Variants in PSD3 observed in about 807,000 individuals in gnomAD.
PSD3 encodes PH and SEC7 domain-containing protein 3.
In PSD3, 49 loss-of-function variants were observed where a neutral mutation model predicts 105.5. That is an observed-to-expected ratio of 0.46 (90% CI 0.37 to 0.59). The LOEUF (loss-of-function observed/expected upper bound fraction) is 0.59, where lower values mean the gene tolerates loss of function less well. Ranked by LOEUF, PSD3 falls within the 20% of genes least tolerant of loss-of-function variation. PSD3 has a pLI of 0.00. For missense variants in PSD3, 1,561 were observed against 1,263.8 expected (o/e 1.24, Z -3.57); for synonymous variants, 557 against 457.8 (o/e 1.22, Z -2.77).
At chr8:18,883,026 G>C (rs1260454406) in intron 2 of PSD3, among the ~76,000 whole-genome samples, 1 of 152,000 alleles carries the variant, frequency 6.6e-6, no homozygotes, top group Non-Finnish European at 1.5e-5. Flanking sequence ...TACTCAGTGT[G>C]GTCTTGAGAA....
Position 18,691,496 on chromosome 8 carries a change from C to T in PSD3, c.2173-35811G>A, listed in dbSNP as rs1413925929. 3.3e-5 allele frequency among the ~76,000 whole-genome samples: 5 copies of T among 152,170 alleles called. No individual in the cohort carries two copies. In the East Asian group the frequency reaches 9.6e-4, roughly 29 times the overall value. The stretch of plus-strand genomic sequence containing the variant: ...AGATCAGAAAAACTTACCCTATATA[C>T]CTGAGGCATTATAAACTCTTCTTTC... On this transcript the variant is annotated intron_variant, in intron 9 of 15. Coordinates refer to ENST00000327040, the MANE Select transcript of PSD3 (RefSeq NM_015310.4).
intron 15 of PSD3, among the ~76,000 whole-genome samples, chr8:18,549,368 A>T (rs1303995671): frequency 6.6e-6 from 1 of 151,690 alleles, no homozygotes; most frequent in East Asian, 1.9e-4. Flanking sequence ...TTTAACAGAG[A>T]TGGGGTTTCT....
chr8:18,922,538 C>T (rs919096164), intron 2 of PSD3, among the ~76,000 whole-genome samples: 1 of 152,150 alleles, frequency 6.6e-6, no homozygotes, highest in Non-Finnish European at 1.5e-5. Flanking sequence ...ACCGAGCAAG[C>T]AATCAATTCT....
chr8:18,992,649 C>T (rs767279532), intron 1 of PSD3, among the ~76,000 whole-genome samples: 1 of 152,206 alleles, frequency 6.6e-6, no homozygotes, highest in Non-Finnish European at 1.5e-5. Context: ...CTTCAGGCTA[C>T]TTCATTTTGT....
intron 3 of PSD3, among the ~76,000 whole-genome samples, chr8:18,868,764 C>T (rs941500732): frequency 3.3e-5 from 5 of 152,116 alleles, no homozygotes; most frequent in African/African-American, 9.7e-5. Flanking sequence ...GCATGTTCTA[C>T]AAATATTAAA....
intron 2 of PSD3, among the ~76,000 whole-genome samples, chr8:18,905,998 C>A (rs949666536): frequency 1.8e-4 from 27 of 152,142 alleles, no homozygotes; most frequent in Admixed American, 1.6e-3. Context: ...TATTCAGTAA[C>A]TGAACTACTT....
intron 9 of PSD3, among the ~76,000 whole-genome samples, chr8:18,743,305 G>A (rs566568372): frequency 2.0e-5 from 3 of 152,122 alleles, no homozygotes; most frequent in African/African-American, 4.8e-5. Context: ...ATAGAGGAGC[G>A]GGGAGATAGC....
At position 18,528,532 on chromosome 8, in the gene PSD3, T is replaced by G. The variant is rs1799516183; in HGVS notation, c.*7211A>C. 1 of 152,216 alleles carries G rather than the reference T, an allele frequency of 6.6e-6. No homozygotes were observed. The highest frequency in any genetic ancestry group is 1.5e-5 in the Non-Finnish European group (1 of 68,064). The allele number at this position is 152,216 out of a possible 1,614,324, so 9.4% of individuals were successfully genotyped here. On this transcript the variant is annotated 3_prime_UTR_variant, in exon 16 of 16. Transcript: ENST00000327040. The stretch of plus-strand genomic sequence containing the variant: ...ATCCCTAAAGCAGGGGAAGTGGCAT[T>G]TGAAACCCAGGCTGTCCTTGCTGCT...
chr8:19,066,937 T>C (rs1215953677), intron 1 of PSD3, among the ~76,000 whole-genome samples: 3 of 152,244 alleles, frequency 2.0e-5, no homozygotes, highest in South Asian at 2.1e-4. Context: ...ATCATTTTTT[T>C]ATTATTTATT....
chr8:18,804,422 T>TAA, intron 6 of PSD3, 100 bp downstream of exon 6: 2 of 938,016 alleles, frequency 2.1e-6, no homozygotes, highest in East Asian at 2.9e-5. Flanking sequence ...CATGGAGGTT[T>TAA]AAAAAAAAAA....
chr8:18,847,359 C>T (rs1007548089), intron 4 of PSD3, among the ~76,000 whole-genome samples: 4 of 152,134 alleles, frequency 2.6e-5, no homozygotes, highest in Admixed American at 6.5e-5. Flanking sequence ...CAATGCAAAA[C>T]GTCAAGCTGT....
intron 1 of PSD3, among the ~76,000 whole-genome samples, chr8:19,046,300 C>T (rs776036016): frequency 3.9e-5 from 6 of 152,058 alleles, no homozygotes; most frequent in East Asian, 1.9e-4. Flanking sequence ...TTAGTAGAGA[C>T]GGGGTTTCAC....
intron 11 of PSD3, among the ~76,000 whole-genome samples, chr8:18,626,647 T>A (rs963827095): frequency 6.6e-6 from 1 of 152,102 alleles, no homozygotes; most frequent in Admixed American, 6.6e-5. Context: ...CTATAAAACA[T>A]TTCTCTAATT....
intron 11 of PSD3, among the ~76,000 whole-genome samples, chr8:18,609,897 T>C (rs1805123478): frequency 1.3e-5 from 2 of 152,218 alleles, no homozygotes; most frequent in South Asian, 2.1e-4. Flanking sequence ...CTTGAAGCAA[T>C]CAAGTCCAAG....
At chr8:18,676,321 A>C (rs1419735141) in intron 9 of PSD3, among the ~76,000 whole-genome samples, 1 of 152,190 alleles carries the variant, frequency 6.6e-6, no homozygotes, top group Non-Finnish European at 1.5e-5. Flanking sequence ...GCAAGAATGC[A>C]GTACGACCTT....
At chr8:19,008,465 G>A (rs1006504092) in intron 1 of PSD3, among the ~76,000 whole-genome samples, 5 of 152,148 alleles carry the variant, frequency 3.3e-5, no homozygotes, top group South Asian at 2.1e-4. Flanking sequence ...TAATGGCATC[G>A]TCTGTGCCAT....
chr8:18,997,696 G>A (rs1358961628), intron 1 of PSD3, among the ~76,000 whole-genome samples: 1 of 152,036 alleles, frequency 6.6e-6, no homozygotes, highest in Non-Finnish European at 1.5e-5. Flanking sequence ...AGTCACACTG[G>A]TGTCCCTGTT....
chr8:19,036,926 C>A (rs752615085), intron 1 of PSD3, among the ~76,000 whole-genome samples: 1 of 152,106 alleles, frequency 6.6e-6, no homozygotes, highest in Non-Finnish European at 1.5e-5. Context: ...TCTGAATATC[C>A]TGTGTATCCA....
intron 9 of PSD3, among the ~76,000 whole-genome samples, chr8:18,722,903 A>C (rs1409299653): frequency 6.6e-6 from 1 of 152,196 alleles, no homozygotes; most frequent in Admixed American, 6.5e-5. Context: ...GAACCCCACA[A>C]TGAGCAACAA....
Sources: gnomAD v4.1 joint callset for allele counts (sites outside exome capture counted in the v4.1 genomes callset) on GRCh38, gnomAD v4.1.1 for gene constraint, MANE v1.5 for transcripts, NCBI Gene and HGNC (gene_info 2026-07-23, HGNC 2026-07-21) for gene names.